The following FBXW12 variants were observed in gnomAD, a reference collection of about 807,000 sequenced individuals.
FBXW12 encodes the protein F-box/WD repeat-containing protein 12.
FBXW12 carries 43 observed loss-of-function variants against 55.3 expected under a neutral mutation model. The observed-to-expected ratio is 0.78, with a 90% CI of 0.61 to 1.00. The LOEUF is 1.00. Ranked by LOEUF, FBXW12 falls within the 50% of genes least tolerant of loss-of-function variation. The pLI is 0.00. For synonymous variants in FBXW12, 184 were observed against 203.8 expected (o/e 0.90, Z 0.83); for missense variants, 524 against 560.5 (o/e 0.93, Z 0.66).
intron 2 of FBXW12, 104 bp downstream of exon 2, chr3:48,372,961 G>C: frequency 2.7e-6 from 3 of 1,108,024 alleles, no homozygotes; most frequent in Non-Finnish European, 4.1e-6. Context: ...AGGCTTTGGG[G>C]GTTAGCATTC....
intron 10 of FBXW12, among the ~76,000 whole-genome samples, chr3:48,386,194 CT>C (rs2036846162): frequency 6.6e-6 from 1 of 152,160 alleles, no homozygotes; most frequent in Non-Finnish European, 1.5e-5. Flanking sequence ...AAAGTCCCAA[CT>C]TTTTTTCTTT....
intron 2 of FBXW12, 36 bp from the exon 3 acceptor site, chr3:48,373,272 T>C (rs762834899): frequency 6.2e-7 from 1 of 1,614,132 alleles, no homozygotes; most frequent in South Asian, 1.1e-5. Context: ...CTGATGTAAC[T>C]GATTGCCTGC....
Position 48,379,559 on chromosome 3 carries a change from G to C in FBXW12, c.774+1G>C. ...GACATACAGTCGTACCTTGCCACAG[G>C]TAGGTGCTGTTCTGTGTATTTCAAT... On this transcript the variant is annotated splice_donor_variant, in intron 7 of 10. Coordinates refer to ENST00000296438, the MANE Select transcript of FBXW12 (RefSeq NM_207102.2). LOFTEE classifies it high-confidence loss of function. The C allele has an allele frequency of 6.2e-7, 1 of 1,613,818 alleles. No homozygotes were observed. Among genetic ancestry groups the C allele is most frequent in the East Asian group, 2.2e-5 (1 of 44,882 alleles).
chr3:48,393,806 T>C (rs2036965184), intron 10 of FBXW12, among the ~76,000 whole-genome samples: 1 of 139,180 alleles, frequency 7.2e-6, no homozygotes, highest in South Asian at 2.2e-4. Context: ...TGAGATGGAA[T>C]ATTGCTGTGT....
At chr3:48,389,800 A>G (rs1334245478) in intron 10 of FBXW12, among the ~76,000 whole-genome samples, 3 of 152,190 alleles carry the variant, frequency 2.0e-5, no homozygotes, top group African/African-American at 7.2e-5. Flanking sequence ...GTGTTTTCTT[A>G]GGTTTTCTTC....
At chr3:48,381,589 G>A (rs1235629166) in intron 8 of FBXW12, 111 bp from the exon 9 acceptor site, 11 of 1,216,620 alleles carry the variant, frequency 9.0e-6, no homozygotes, top group Non-Finnish European at 1.2e-5. Flanking sequence ...GAAGTCTGTG[G>A]AAGTGGGGAC....
intron 10 of FBXW12, 118 bp downstream of exon 10, chr3:48,382,203 G>A (rs186626847): frequency 1.5e-4 from 170 of 1,138,898 alleles, no homozygotes; most frequent in African/African-American, 2.6e-4. Flanking sequence ...TGCAACCTCC[G>A]ACTCCCGGGT....
At chr3:48,374,763 A>ACTT (rs2036658254) in intron 4 of FBXW12, among the ~76,000 whole-genome samples, 2 of 63,878 alleles carry the variant, frequency 3.1e-5, no homozygotes, top group South Asian at 1.3e-3. Context: ...TCCTGATAAC[A>ACTT]CTTTTTTTTT....
intron 10 of FBXW12, among the ~76,000 whole-genome samples, chr3:48,394,252 A>G (rs941489488): frequency 1.3e-5 from 2 of 151,736 alleles, no homozygotes; most frequent in African/African-American, 4.8e-5. Flanking sequence ...TGTCTCAGGA[A>G]AAACAAAAAC....
chr3:48,382,038 G>A lies in FBXW12; in HGVS notation c.1248G>A (p.Arg416=), dbSNP rs995239334. Residue 416 remains arginine (R), a synonymous_variant, in exon 10 of 11, where the codon AGG becomes AGA. Transcript: ENST00000296438. ...WEEGGRHPYL[R]SCCHLENTWH... ...AAGGAGGCCGCCATCCATACCTCAG[G>A]AGCTGCTGTCACCTGGAAAACACGT... 6 of 1,614,178 alleles carry A rather than the reference G, an allele frequency of 3.7e-6. No homozygotes were observed. The highest frequency in any genetic ancestry group is 4.2e-6 in the Non-Finnish European group (5 of 1,180,042).
At position 48,373,670 on chromosome 3, in the gene FBXW12, C is replaced by T. The variant is rs761310634; in HGVS notation, c.251C>T (p.Pro84Leu). Residue 84 changes from proline to leucine, a missense_variant, in exon 4 of 11, where the codon CCG becomes CTG. Transcript: ENST00000296438. Reference sequence around the variant, plus strand: ...GAGCTTCGGTTGGCATTGGCACAGCCGCATAACTTTATCTACAAAGTAACT... The same window carrying T: ...GAGCTTCGGTTGGCATTGGCACAGCTGCATAACTTTATCTACAAAGTAACT... ...RKELRLALAQ[P>L]HNFIYKVTKN... 12 of 1,613,980 alleles carry T rather than the reference C, an allele frequency of 7.4e-6. No individual in the cohort carries two copies. The highest frequency in any genetic ancestry group is 6.7e-5 in the African/African-American group (5 of 74,882).
At chr3:48,376,474 G>T (rs567023345) in intron 5 of FBXW12, among the ~76,000 whole-genome samples, 1 of 152,244 alleles carries the variant, frequency 6.6e-6, no homozygotes, top group African/African-American at 2.4e-5. Flanking sequence ...TAGCTCAGAT[G>T]ATCTCCAAGG....
At chr3:48,393,984 A>G (rs538063592) in intron 10 of FBXW12, among the ~76,000 whole-genome samples, 2 of 151,886 alleles carry the variant, frequency 1.3e-5, no homozygotes, top group East Asian at 3.9e-4. Flanking sequence ...TCACTGTGTT[A>G]ACCAGGATGG....
chr3:48,375,528 A>G, intron 5 of FBXW12, 56 bp downstream of exon 5: 1 of 1,043,476 alleles, frequency 9.6e-7, no homozygotes, highest in Non-Finnish European at 1.4e-6. Flanking sequence ...ATCCTGTTCT[A>G]TATATGAAAC....
At chr3:48,379,631 A>T (rs1303255862) in intron 7 of FBXW12, 73 bp downstream of exon 7, 1 of 1,315,818 alleles carries the variant, frequency 7.6e-7, no homozygotes, top group East Asian at 2.3e-5. Flanking sequence ...GAAACTGCAG[A>T]GCTCAGTGAG....
At chr3:48,373,418 A>T (rs2036632367) in intron 3 of FBXW12, 73 bp downstream of exon 3, 1 of 1,612,692 alleles carries the variant, frequency 6.2e-7, no homozygotes, top group Non-Finnish European at 8.5e-7. Context: ...CTGTGTCCCA[A>T]GGCCTGTGTG....
chr3:48,381,635 C>A, intron 8 of FBXW12, 65 bp from the exon 9 acceptor site: 1 of 1,462,280 alleles, frequency 6.8e-7, no homozygotes, highest in Non-Finnish European at 9.1e-7. Context: ...TATTATTATT[C>A]AATGACCTGA....
chr3:48,386,941 C>CTT lies in FBXW12; in HGVS notation c.1295+4869_1295+4870dup, dbSNP rs34140121. 3.7e-3 allele frequency among the ~76,000 whole-genome samples: 524 copies of CTT among 141,998 alleles called. 6 individuals are homozygous for CTT. Among genetic ancestry groups the CTT allele is most frequent in the Middle Eastern group, 0.018 (5 of 274 alleles). 93.2% of individuals were successfully genotyped at this position (141,998 alleles called of 152,430 possible). A position where few individuals can be genotyped will look rare whatever the true frequency, so the allele number is the denominator to read the frequency against. On this transcript the variant is annotated intron_variant, in intron 10 of 10. Coordinates refer to ENST00000296438, the MANE Select transcript of FBXW12 (RefSeq NM_207102.2). ...ATTTTGTAGTTTTCTTCTTCTTCTTCTTTTTTTTTTTTTTAGGCGAAGTCT... is the reference window on the plus strand; with the variant it reads ...ATTTTGTAGTTTTCTTCTTCTTCTTCTTTTTTTTTTTTTTTTAGGCGAAGTCT...
chr3:48,372,760 C>A lies in FBXW12; in HGVS notation c.-8C>A. ...AAGGAAAGTGGATGTGGGTTCAGGC[C>A]GCATGAAATGGAGATCCGATTGCCT... On this transcript the variant is annotated 5_prime_UTR_variant, in exon 2 of 11. Transcript: ENST00000296438. The A allele has an allele frequency of 6.2e-7, 1 of 1,614,140 alleles. No individual in the cohort carries two copies. The highest frequency in any genetic ancestry group is 1.1e-5 in the South Asian group (1 of 91,080).
Sources: gnomAD v4.1 joint callset for allele counts (sites outside exome capture counted in the v4.1 genomes callset) on GRCh38, gnomAD v4.1.1 for gene constraint, MANE v1.5 for transcripts, NCBI Gene and HGNC (gene_info 2026-07-23, HGNC 2026-07-21) for gene names.